Variants in IGSF1 observed in about 807,000 individuals in gnomAD.
The protein encoded by IGSF1 is immunoglobulin superfamily member 1.
In IGSF1, 40 loss-of-function variants were observed where a neutral mutation model predicts 95.3. The observed-to-expected ratio is 0.42, with a 90% CI of 0.33 to 0.55. IGSF1 has a LOEUF of 0.55. Ranked by LOEUF, IGSF1 falls within the 20% of genes least tolerant of loss-of-function variation. The pLI, the probability that IGSF1 is intolerant of heterozygous loss-of-function variation, is 0.10. For missense variants in IGSF1, 906 were observed against 1,025.4 expected (o/e 0.88, Z 1.59); for synonymous variants, 372 against 382.9 (o/e 0.97, Z 0.33).
intron 1 of IGSF1, among the ~76,000 whole-genome samples, chrX:131,287,145 GTA>G (rs1177589460): frequency 1.0e-5 from 1 of 95,239 alleles, no homozygotes; most frequent in African/African-American, 3.8e-5. Context: ...ATATATGTGT[GTA>G]TATATATACG....
chrX:131,283,133 TC>T lies in IGSF1; in HGVS notation c.798del (p.Lys267SerfsTer9), dbSNP rs1340749432. On this transcript the variant is annotated frameshift_variant, in exon 6 of 20. Transcript: ENST00000361420. LOFTEE classifies it high-confidence loss of function. ...ATTGTCTTCTTGTGGTAAAAGGACTTCTCCAAGTCTTCAACCCTCATTAGAG... is the reference window on the plus strand; with the variant it reads ...ATTGTCTTCTTGTGGTAAAAGGACTTTCCAAGTCTTCAACCCTCATTAGAG... ...TFALMRVEDL[E>X]KSFYHKKTIK... The T allele has an allele frequency of 8.3e-7, 1 of 1,211,128 alleles. No individual in the cohort carries two copies.
At chrX:131,278,348 C>T (rs941721702) in intron 12 of IGSF1, 113 bp downstream of exon 12, 18 of 760,659 alleles carry the variant, frequency 2.4e-5, no homozygotes, top group Admixed American at 1.5e-4. Flanking sequence ...ACATGCAGCA[C>T]GAGCCCCTTG....
In IGSF1 at chrX:131,278,445, C is replaced by G. The variant is rs1250494345; in HGVS notation, c.2041+16G>C. On this transcript the variant is annotated intron_variant, in intron 12 of 19. Coordinates refer to ENST00000361420, the MANE Select transcript of IGSF1 (RefSeq NM_001555.5). ...GCACTGGGGATAACTCCCGGAGACC[C>G]TCTACATTTTCTTACCTGTCCCCAC... The G allele has an allele frequency of 2.6e-6, 3 of 1,168,677 alleles. No homozygotes were observed. The highest frequency in any genetic ancestry group is 4.7e-5 in the Admixed American group (2 of 42,270).
At chrX:131,277,359 T>C in intron 13 of IGSF1, 133 bp from the exon 14 acceptor site, 5 of 626,765 alleles carry the variant, frequency 8.0e-6, no homozygotes, top group Non-Finnish European at 1.2e-5. Flanking sequence ...AGTAAGTGCA[T>C]TTAAAAAGTA....
intron 1 of IGSF1, among the ~76,000 whole-genome samples, chrX:131,287,941 G>C (rs2080665405): frequency 8.9e-6 from 1 of 111,789 alleles, no homozygotes; most frequent in Non-Finnish European, 1.9e-5. Flanking sequence ...GCAGCTCCCA[G>C]AATAGAGAAA....
rs2080472557 is a variant in IGSF1 at position 131,276,261 on chromosome X, A to G, written c.2609-13T>C. On this transcript the variant is annotated splice_polypyrimidine_tract_variant and intron_variant, in intron 14 of 19. Transcript: ENST00000361420. ...TTGGGGTAGAATTCTGAAATTAAAG[A>G]GACCACAGCATGAGATAAACCCAGC... 2 of 1,189,969 alleles carry G rather than the reference A, an allele frequency of 1.7e-6. No homozygotes were observed. Among genetic ancestry groups the G allele is most frequent in the Non-Finnish European group, 2.3e-6 (2 of 885,402 alleles).
In IGSF1 at chrX:131,279,205, C is replaced by A. The variant is rs759338343; in HGVS notation, c.1718-30G>T. 5 of 1,210,411 alleles carry A rather than the reference C, an allele frequency of 4.1e-6. No individual in the cohort carries two copies. The East Asian group carries it at 1.2e-4, about 29-fold the overall frequency. On this transcript the variant is annotated intron_variant, in intron 10 of 19. Transcript: ENST00000361420. ...AAAAGAAATTGCTGCCAGGACTCGGCCCCCTCCCCCACCGGGACTTCACCC... is the reference window on the plus strand; with the variant it reads ...AAAAGAAATTGCTGCCAGGACTCGGACCCCTCCCCCACCGGGACTTCACCC...
At position 131,281,866 on chromosome X, in the gene IGSF1, C is replaced by A. The variant is rs765044401; in HGVS notation, c.1325G>T (p.Arg442Leu). The A allele has an allele frequency of 9.1e-5, 110 of 1,207,595 alleles. No homozygotes were observed. The highest frequency in any genetic ancestry group is 2.5e-4 in the South Asian group (14 of 56,733). Residue 442 changes from arginine to leucine, a missense_variant, in exon 8 of 20, where the codon CGA (arginine) becomes CTA (leucine). By Grantham distance (102) the Arg-to-Leu change is moderately radical. Around this residue, in one of 5 missense-constraint regions of IGSF1, gnomAD observed 442 missense variants for 448.1 expected, o/e 0.99. Transcript: ENST00000361420. ...KLGKAITLQC[R>L]VSHPVLEFSL... ...AAATTCCAGTACTGGATGAGATACT[C>A]GGCACTGAAGGGTGATGGCCTTTCC...
rs370093373 is a variant in IGSF1 at position 131,275,947 on chromosome X, C to T, written c.2896+14G>A. ...ATGATCTCCATCCCAGTCCCATGTCCGGTCGGTCCTTACCAGTCACCCAGA... is the reference window on the plus strand; with the variant it reads ...ATGATCTCCATCCCAGTCCCATGTCTGGTCGGTCCTTACCAGTCACCCAGA... On this transcript the variant is annotated intron_variant, in intron 15 of 19. Transcript: ENST00000361420. The T allele has an allele frequency of 3.2e-5, 38 of 1,202,038 alleles. No individual in the cohort carries two copies. Among genetic ancestry groups the T allele is most frequent in the Middle Eastern group, 2.4e-4 (1 of 4,208 alleles).
At chrX:131,274,500 A>G in intron 18 of IGSF1, 99 bp downstream of exon 18, 1 of 949,905 alleles carries the variant, frequency 1.1e-6, no homozygotes, top group Non-Finnish European at 1.4e-6. Flanking sequence ...CCCTGGCTCC[A>G]AAGCTCCTCC....
rs756957936 is a variant in IGSF1, at chrX:131,278,185, G to T, written c.2042-51C>A. ...GGAGTCAGAAGTTTGCAGTTGCCCA[G>T]ATGGGATACTCAGGGTCACTTTGTC... On this transcript the variant is annotated intron_variant, in intron 12 of 19. Transcript: ENST00000361420. The T allele has an allele frequency of 1.3e-5, 14 of 1,112,425 alleles. No individual in the cohort carries two copies. In the Admixed American group the frequency reaches 2.5e-4, roughly 20 times the overall value. The allele number at this position is 1,112,425 out of a possible 1,213,427, so 91.7% of individuals were successfully genotyped here.
chrX:131,275,452 C>T (rs773547851), intron 16 of IGSF1, 26 bp downstream of exon 16: 2 of 1,197,982 alleles, frequency 1.7e-6, no homozygotes, highest in East Asian at 3.0e-5. Flanking sequence ...CACTTCCATG[C>T]CCACTCGACA....
At chrX:131,277,376 A>G (rs143279035) in intron 13 of IGSF1, 150 bp from the exon 14 acceptor site, 18 of 548,332 alleles carry the variant, frequency 3.3e-5, no homozygotes, top group African/African-American at 2.6e-4. Context: ...AGTAAGGTAA[A>G]TCCACTTTGC....
chrX:131,282,833 GA>G, intron 6 of IGSF1, 96 bp from the exon 7 acceptor site: 1 of 983,678 alleles, frequency 1.0e-6, no homozygotes, highest in Non-Finnish European at 1.4e-6. Context: ...ACCACCCTTG[GA>G]AAAACCTGCC....
chrX:131,278,556 G>A lies in IGSF1; in HGVS notation c.1946C>T (p.Ala649Val). 2 of 1,211,231 alleles carry A rather than the reference G, an allele frequency of 1.7e-6. No homozygotes were observed. Among genetic ancestry groups the A allele is most frequent in the South Asian group, 1.8e-5 (1 of 56,953 alleles). ...EQVRAAFPLG[A>V]LTQSHTGSYH... ...GCTCCCGGTGTGGCTCTGGGTCAGG[G>A]CGCCAAGGGGGAAGGCAGCCCGGAC... Residue 649 changes from alanine to valine, a missense_variant, in exon 12 of 20, where the codon GCC becomes GTC. By Grantham distance (64) the Ala-to-Val change is moderately conservative. Around this residue, in one of 5 missense-constraint regions of IGSF1, gnomAD observed 40 missense variants for 33.4 expected, o/e 1.20. Coordinates refer to ENST00000361420, the MANE Select transcript of IGSF1 (RefSeq NM_001555.5).
Position 131,286,632 on chromosome X carries a change from T to C in IGSF1, c.43A>G (p.Thr15Ala). 1 of 1,205,649 alleles carries C rather than the reference T, an allele frequency of 8.3e-7. No individual in the cohort carries two copies. The highest frequency in any genetic ancestry group is 1.1e-6 in the Non-Finnish European group (1 of 893,425). ...RPGEGATMLK[T>A]FTVLLFCIRM... Reference sequence around the variant, plus strand: ...ATGCAAAAGAGCAAAACAGTGAATGTCTTCAGCATGGTGGCCCCCTCCCCT... The same window carrying C: ...ATGCAAAAGAGCAAAACAGTGAATGCCTTCAGCATGGTGGCCCCCTCCCCT... Residue 15 changes from threonine to alanine, a missense_variant, in exon 2 of 20, where the codon ACA (threonine) becomes GCA (alanine). By Grantham distance (58) the Thr-to-Ala change is moderately conservative. Transcript: ENST00000361420.
Position 131,282,671 on chromosome X carries a change from C to A in IGSF1, c.1019G>T (p.Ser340Ile), listed in dbSNP as rs2080579531. 8.3e-7 allele frequency: 1 copy of A among 1,210,711 alleles called. No individual in the cohort carries two copies. Among genetic ancestry groups the A allele is most frequent in the African/African-American group, 1.7e-5 (1 of 57,831 alleles). ...SAVVQMGQNV[S>I]LRCRGPVDGV... ...ATCCACTGGTCCTCGACACCGTAGGCTCACATTCTGACCCATTTGGACCAC... is the reference window on the plus strand; with the variant it reads ...ATCCACTGGTCCTCGACACCGTAGGATCACATTCTGACCCATTTGGACCAC... Residue 340 changes from serine to isoleucine, a missense_variant, in exon 7 of 20, where the codon AGC (serine) becomes ATC (isoleucine). Ser to Ile is a moderately radical substitution (Grantham distance 142, BLOSUM62 -2). This residue lies in a region of IGSF1 where 442 missense variants were observed against 448.1 expected (regional missense o/e 0.99). Transcript: ENST00000361420.
rs753312616 is a variant in IGSF1 at position 131,286,624 on chromosome X, A to G, written c.51T>C (p.Thr17=). The change falls in exon 2 of 20, where the codon ACT becomes ACC. Residue 17 remains threonine (T), a synonymous_variant. Coordinates refer to ENST00000361420, the MANE Select transcript of IGSF1 (RefSeq NM_001555.5). ...GEGATMLKTF[T]VLLFCIRMSL... The stretch of plus-strand genomic sequence containing the variant: ...ACTCACGAATGCAAAAGAGCAAAAC[A>G]GTGAATGTCTTCAGCATGGTGGCCC... 1 of 1,206,972 alleles carries G rather than the reference A, an allele frequency of 8.3e-7. No homozygotes were observed. The highest frequency in any genetic ancestry group is 1.1e-6 in the Non-Finnish European group (1 of 893,686).
At chrX:131,281,141 C>T (rs1055212947) in intron 9 of IGSF1, 77 bp downstream of exon 9, 176 of 1,120,218 alleles carry the variant, frequency 1.6e-4, no homozygotes, top group Non-Finnish European at 2.0e-4. Context: ...GCCTCTGTGG[C>T]TTGTCTCAAC....
Sources: allele counts gnomAD v4.1 joint callset (sites outside exome capture counted in the v4.1 genomes callset), GRCh38; gene constraint gnomAD v4.1.1; regional missense constraint gnomAD v4.1.1; transcripts MANE v1.5; gene names NCBI Gene and HGNC (gene_info 2026-07-23, HGNC 2026-07-21).